The following TRPM3 variants were observed in gnomAD, a reference collection of about 807,000 sequenced individuals.
TRPM3 encodes long transient receptor potential channel 3.
TRPM3 carries 77 observed loss-of-function variants against 181.2 expected under a neutral mutation model. That is an observed-to-expected ratio of 0.42 (90% CI 0.35 to 0.51). The LOEUF is 0.51. Among genes scored for constraint, TRPM3 ranks in the 20% least tolerant of loss-of-function variants. The probability of loss-of-function intolerance (pLI) is 0.01; values close to 1 mark genes in which losing one functional copy is unlikely to be tolerated. For synonymous variants in TRPM3, 745 were observed against 796.4 expected (o/e 0.94, Z 1.09); for missense variants, 1,759 against 2,196.7 (o/e 0.80, Z 3.98).
chr9:71,168,641 AT>A (rs201664621), intron 1 of TRPM3, among the ~76,000 whole-genome samples: 3,988 of 86,842 alleles, frequency 0.046, 69 homozygotes, highest in African/African-American at 0.071. Context: ...ATTATTTTTT[AT>A]TTTTTTTTTT....
intron 8 of TRPM3, among the ~76,000 whole-genome samples, chr9:70,687,205 T>C (rs1355356758): frequency 6.6e-6 from 1 of 152,198 alleles, no homozygotes; most frequent in Non-Finnish European, 1.5e-5. Flanking sequence ...ACTTATAGAA[T>C]CTGCTGAGGA....
intron 6 of TRPM3, among the ~76,000 whole-genome samples, chr9:70,787,140 A>C (rs10217410): frequency 0.17 from 25,826 of 152,150 alleles, 2,411 homozygotes; most frequent in South Asian, 0.28. Flanking sequence ...CAATGTATCA[A>C]AATATTATAA....
At chr9:71,279,034 T>TAAAAAAAAAAAAAAAAAAAA (rs200421016) in intron 1 of TRPM3, among the ~76,000 whole-genome samples, 6 of 47,570 alleles carry the variant, frequency 1.3e-4, no homozygotes, top group African/African-American at 6.2e-4. Flanking sequence ...CCTGCTTAGG[T>TAAAAAAAAAAAAAAAAAAAA]TAAAAAAAAT....
At chr9:70,697,965 C>T (rs1029224853) in intron 8 of TRPM3, among the ~76,000 whole-genome samples, 24 of 151,980 alleles carry the variant, frequency 1.6e-4, no homozygotes, top group African/African-American at 4.6e-4. Context: ...CCCAGCACTT[C>T]GGGAGGCCGA....
intron 8 of TRPM3, among the ~76,000 whole-genome samples, chr9:70,688,872 C>A (rs981671884): frequency 1.3e-5 from 2 of 152,288 alleles, no homozygotes; most frequent in African/African-American, 2.4e-5. Context: ...TTCCAGGATG[C>A]CACTTCCAAT....
chr9:70,614,345 TGTG>T (rs2062448369), intron 18 of TRPM3, among the ~76,000 whole-genome samples: 1 of 147,220 alleles, frequency 6.8e-6, no homozygotes, highest in African/African-American at 2.5e-5. Flanking sequence ...GGCCAGGTGT[TGTG>T]GTGTGCACCT....
At chr9:71,103,989 A>G (rs1188505162) in intron 1 of TRPM3, among the ~76,000 whole-genome samples, 1 of 152,008 alleles carries the variant, frequency 6.6e-6, no homozygotes, top group Non-Finnish European at 1.5e-5. Context: ...ATCTCGGCTA[A>G]CTGCAACGTC....
At chr9:71,334,658 A>G (rs1419734112) in intron 1 of TRPM3, among the ~76,000 whole-genome samples, 1 of 152,064 alleles carries the variant, frequency 6.6e-6, no homozygotes, top group African/African-American at 2.4e-5. Context: ...TCTCTTAGCT[A>G]TCCTACTTCT....
chr9:70,743,187 A>G (rs775147507), intron 8 of TRPM3, among the ~76,000 whole-genome samples: 1 of 152,184 alleles, frequency 6.6e-6, no homozygotes, highest in African/African-American at 2.4e-5. Context: ...GGCTGGAAGG[A>G]TAGACTAAGT....
chr9:71,192,503 A>G (rs1034025472), intron 1 of TRPM3, among the ~76,000 whole-genome samples: 1 of 151,864 alleles, frequency 6.6e-6, no homozygotes, highest in Non-Finnish European at 1.5e-5. Flanking sequence ...CATTTCCCTG[A>G]TGATTAGTGA....
At chr9:71,268,091 T>C (rs942332858) in intron 1 of TRPM3, among the ~76,000 whole-genome samples, 1 of 152,180 alleles carries the variant, frequency 6.6e-6, no homozygotes, top group Non-Finnish European at 1.5e-5. Context: ...CATTAAATAA[T>C]AAACTTGGGC....
At chr9:71,423,159 C>A (rs1046706518) in intron 1 of TRPM3, among the ~76,000 whole-genome samples, 1 of 152,026 alleles carries the variant, frequency 6.6e-6, no homozygotes, top group Non-Finnish European at 1.5e-5. Context: ...CTGCTGTGAG[C>A]AAGTTGCTTT....
chr9:70,806,378 G>C (rs2090681795), intron 6 of TRPM3, among the ~76,000 whole-genome samples: 1 of 152,154 alleles, frequency 6.6e-6, no homozygotes, highest in Admixed American at 6.5e-5. Context: ...ATCCTGAGCT[G>C]GGATCTTAAG....
intron 1 of TRPM3, among the ~76,000 whole-genome samples, chr9:70,945,846 T>C (rs1361332796): frequency 6.6e-6 from 1 of 152,082 alleles, no homozygotes; most frequent in Non-Finnish European, 1.5e-5. Context: ...AAGAACTGGC[T>C]GTGGGGAGAG....
chr9:71,336,053 CA>C (rs2090535464), intron 1 of TRPM3, among the ~76,000 whole-genome samples: 1 of 152,004 alleles, frequency 6.6e-6, no homozygotes, highest in Admixed American at 6.6e-5. Context: ...AAGAAGACAT[CA>C]GTGTCTTTTG....
intron 7 of TRPM3, among the ~76,000 whole-genome samples, chr9:70,781,297 C>A (rs1436169758): frequency 7.2e-6 from 1 of 139,464 alleles, no homozygotes; most frequent in Non-Finnish European, 1.5e-5. Flanking sequence ...TGCACTCCAG[C>A]CTGGGGGACA....
chr9:71,185,758 G>A (rs1033461409), intron 1 of TRPM3, among the ~76,000 whole-genome samples: 1 of 152,040 alleles, frequency 6.6e-6, no homozygotes, highest in African/African-American at 2.4e-5. Flanking sequence ...AGAGAGGTAA[G>A]GCGTCTCATC....
chr9:70,882,523 T>C (rs563965959), intron 1 of TRPM3, among the ~76,000 whole-genome samples: 2 of 152,160 alleles, frequency 1.3e-5, no homozygotes, highest in Non-Finnish European at 2.9e-5. Context: ...TTTGTTTTTT[T>C]CAAGTGGCTA....
intron 21 of TRPM3, among the ~76,000 whole-genome samples, chr9:70,591,434 C>A (rs1056475137): frequency 6.6e-6 from 1 of 152,158 alleles, no homozygotes; most frequent in Non-Finnish European, 1.5e-5. Flanking sequence ...AAAGTGCACA[C>A]ACAGATGAAG....
Sources: gnomAD v4.1 joint callset for allele counts (sites outside exome capture counted in the v4.1 genomes callset) on GRCh38, gnomAD v4.1.1 for gene constraint, MANE v1.5 for transcripts, NCBI Gene and HGNC (gene_info 2026-07-23, HGNC 2026-07-21) for gene names.